Variants in IL1RAPL2 observed in about 807,000 individuals in gnomAD.
IL1RAPL2 encodes X-linked interleukin-1 receptor accessory protein-like 2.
IL1RAPL2 carries 3 observed loss-of-function variants against 44.1 expected under a neutral mutation model. That is an observed-to-expected ratio of 0.07 (90% CI 0.03 to 0.18). The LOEUF (loss-of-function observed/expected upper bound fraction) is 0.18, where lower values mean the gene tolerates loss of function less well. Ranked by LOEUF, IL1RAPL2 falls within the 10% of genes least tolerant of loss-of-function variation. The pLI is 1.00. For synonymous variants in IL1RAPL2, 181 were observed against 178.8 expected, an observed-to-expected ratio of 1.01 and a Z score of -0.10; for missense variants, 391 against 496.4, an observed-to-expected ratio of 0.79 and a Z score of 2.02.
chrX:105,287,999 A>G (rs1196756267), intron 5 of IL1RAPL2, among the ~76,000 whole-genome samples: 1 of 111,375 alleles, frequency 9.0e-6, no homozygotes. Context: ...AGCTTGATAG[A>G]GGAATGCCAA....
chrX:105,073,314 G>A (rs1202900250), intron 2 of IL1RAPL2, among the ~76,000 whole-genome samples: 6 of 95,936 alleles, frequency 6.3e-5, no homozygotes, highest in African/African-American at 1.5e-4. Flanking sequence ...TTGTCCTTGC[G>A]ATAGTTTGCT....
At chrX:104,664,591 G>A (rs1788805511) in intron 2 of IL1RAPL2, among the ~76,000 whole-genome samples, 2 of 111,642 alleles carry the variant, frequency 1.8e-5, no homozygotes, top group Admixed American at 1.9e-4. Flanking sequence ...CTGTGGGAGA[G>A]TTAGTCTAGT....
chrX:105,750,286 T>TG (rs1302802694), intron 9 of IL1RAPL2, among the ~76,000 whole-genome samples: 3 of 100,700 alleles, frequency 3.0e-5, no homozygotes, highest in African/African-American at 1.1e-4. Context: ...GTCTTTTTTT[T>TG]TTTTTTTGAG....
intron 6 of IL1RAPL2, among the ~76,000 whole-genome samples, chrX:105,645,054 G>A (rs1033287034): frequency 1.8e-5 from 2 of 111,603 alleles, no homozygotes; most frequent in African/African-American, 6.5e-5. Flanking sequence ...TGTGAACAGT[G>A]CCTCAAGCAA....
At chrX:104,835,373 A>G (rs1409382102) in intron 2 of IL1RAPL2, among the ~76,000 whole-genome samples, 2 of 110,700 alleles carry the variant, frequency 1.8e-5, no homozygotes, top group Non-Finnish European at 3.8e-5. Context: ...TTAAAAACTG[A>G]TACTATCAGG....
intron 5 of IL1RAPL2, among the ~76,000 whole-genome samples, chrX:105,364,939 A>G (rs866702575): frequency 8.9e-6 from 1 of 111,839 alleles, no homozygotes; most frequent in South Asian, 3.7e-4. Context: ...AGTACTATGT[A>G]GAATATAAAA....
At chrX:105,009,776 T>C (rs1391602547) in intron 2 of IL1RAPL2, among the ~76,000 whole-genome samples, 1 of 109,200 alleles carries the variant, frequency 9.2e-6, no homozygotes, top group East Asian at 2.9e-4. Flanking sequence ...AAAAAGAAAA[T>C]AGTGTTTTTA....
intron 5 of IL1RAPL2, among the ~76,000 whole-genome samples, chrX:105,375,555 C>T (rs113642787): frequency 1.8e-5 from 2 of 111,708 alleles, no homozygotes; most frequent in Admixed American, 1.9e-4. Context: ...AAACCCTGTA[C>T]CTGCTATATT....
intron 3 of IL1RAPL2, among the ~76,000 whole-genome samples, chrX:105,221,512 T>C (rs1460299084): frequency 9.0e-6 from 1 of 111,419 alleles, no homozygotes; most frequent in East Asian, 2.8e-4. Context: ...TGAATTTTTA[T>C]AGGCTGAGTT....
rs1299828013 is a variant in IL1RAPL2 at position 104,712,152 on chromosome X, C to A, written c.82+53157C>A. Among the ~76,000 whole-genome samples, 7 of 110,505 alleles carry A rather than the reference C, an allele frequency of 6.3e-5. No homozygotes were observed. The East Asian group carries it at 2.0e-3, about 32-fold the overall frequency. On this transcript the variant is annotated intron_variant, in intron 2 of 10. Coordinates refer to ENST00000372582, the MANE Select transcript of IL1RAPL2 (RefSeq NM_017416.2). ...TGAAAAGAGAATAACCTAGGAAGTT[C>A]CCCTCTTCTCCATGAGTTGTCATTA...
chrX:105,440,685 G>A (rs946576753), intron 5 of IL1RAPL2, among the ~76,000 whole-genome samples: 1 of 112,340 alleles, frequency 8.9e-6, no homozygotes, highest in African/African-American at 3.2e-5. Flanking sequence ...GTTTTGTTCA[G>A]AAACAACACC....
At chrX:105,644,035 G>A (rs949643395) in intron 6 of IL1RAPL2, among the ~76,000 whole-genome samples, 5 of 110,948 alleles carry the variant, frequency 4.5e-5, no homozygotes, top group Admixed American at 3.8e-4. Context: ...GGGACTACAG[G>A]GGCGTGCCAT....
At chrX:105,025,377 A>G (rs1305532597) in intron 2 of IL1RAPL2, among the ~76,000 whole-genome samples, 1 of 111,500 alleles carries the variant, frequency 9.0e-6, no homozygotes, top group South Asian at 3.7e-4. Flanking sequence ...TGCCCTCTAA[A>G]TAATTAGACT....
chrX:104,649,604 T>A (rs370592266), intron 1 of IL1RAPL2, among the ~76,000 whole-genome samples: 1 of 111,805 alleles, frequency 8.9e-6, no homozygotes, highest in African/African-American at 3.2e-5. Flanking sequence ...TGTATGTACG[T>A]GTCTGATTTT....
intron 6 of IL1RAPL2, among the ~76,000 whole-genome samples, chrX:105,715,284 G>A (rs2038247633): frequency 8.9e-6 from 1 of 111,782 alleles, no homozygotes; most frequent in Non-Finnish European, 1.9e-5. Flanking sequence ...GTGGGCCCAG[G>A]GAAGAAAGGA....
intron 1 of IL1RAPL2, among the ~76,000 whole-genome samples, chrX:104,603,824 A>G (rs778302731): frequency 8.9e-6 from 1 of 112,212 alleles, no homozygotes; most frequent in Non-Finnish European, 1.9e-5. Context: ...CCAAATCTAC[A>G]TATGATTGGT....
Position 105,354,617 on chromosome X carries a change from A to G in IL1RAPL2, c.697+87076A>G, listed in dbSNP as rs185878898. Among the ~76,000 whole-genome samples the G allele has an allele frequency of 1.9e-3, 211 of 110,603 alleles. 3 individuals carry two copies. The East Asian group carries it at 0.045, about 24-fold the overall frequency. On this transcript the variant is annotated intron_variant, in intron 5 of 10. Transcript: ENST00000372582. Reference sequence around the variant, plus strand: ...GTGTACATATGTAACAAACCTGCACATTGTGCACATGTACCCTAAAACTTA... The same window carrying G: ...GTGTACATATGTAACAAACCTGCACGTTGTGCACATGTACCCTAAAACTTA...
At chrX:105,080,775 G>A (rs148634270) in intron 2 of IL1RAPL2, among the ~76,000 whole-genome samples, 2,288 of 111,760 alleles carry the variant, frequency 0.02, 21 homozygotes, top group Middle Eastern at 0.042. Context: ...TAGCTTGATG[G>A]GGATAGCATT....
chrX:104,898,469 C>A (rs2147671342), intron 2 of IL1RAPL2, among the ~76,000 whole-genome samples: 1 of 112,583 alleles, frequency 8.9e-6, no homozygotes, highest in Admixed American at 9.4e-5. Flanking sequence ...TCTAAGTTTT[C>A]TAATCCTTAT....
Sources: gnomAD v4.1 joint callset for allele counts (sites outside exome capture counted in the v4.1 genomes callset) on GRCh38, gnomAD v4.1.1 for gene constraint, MANE v1.5 for transcripts, NCBI Gene and HGNC (gene_info 2026-07-23, HGNC 2026-07-21) for gene names.